TMEM132D: variants seen among roughly 807,000 people sequenced by gnomAD.
TMEM132D encodes the protein mature OL transmembrane protein.
Under a neutral mutation model 62.3 loss-of-function variants are expected in TMEM132D, and 21 were observed. That is an observed-to-expected ratio of 0.34 (90% CI 0.24 to 0.49). The LOEUF (loss-of-function observed/expected upper bound fraction) is 0.49, where lower values mean the gene tolerates loss of function less well. Ranked by LOEUF, TMEM132D falls within the 20% of genes least tolerant of loss-of-function variation. The pLI, the probability that TMEM132D is intolerant of heterozygous loss-of-function variation, is 0.99. For synonymous variants in TMEM132D, 621 were observed against 575.6 expected, an observed-to-expected ratio of 1.08 and a Z score of -1.13; for missense variants, 1,346 against 1,402.8, an observed-to-expected ratio of 0.96 and a Z score of 0.65.
intron 3 of TMEM132D, among the ~76,000 whole-genome samples, chr12:129,497,394 G>A (rs919403843): frequency 6.6e-6 from 1 of 152,112 alleles, no homozygotes; most frequent in African/African-American, 2.4e-5. Context: ...GTGATAAGTG[G>A]CCCCTGCTCC....
At chr12:129,833,762 T>G (rs1872915556) in intron 1 of TMEM132D, among the ~76,000 whole-genome samples, 1 of 152,240 alleles carries the variant, frequency 6.6e-6, no homozygotes, top group South Asian at 2.1e-4. Context: ...ATTTCAGCTC[T>G]AGCTTCCACT....
chr12:129,077,901 TGTACACAACACATAG>T (rs1325298785), intron 8 of TMEM132D, among the ~76,000 whole-genome samples: 1 of 151,740 alleles, frequency 6.6e-6, no homozygotes, highest in Non-Finnish European at 1.5e-5. Flanking sequence ...ACAACATATA[TGTACACAACACATAG>T]ACACACAACA....
intron 2 of TMEM132D, among the ~76,000 whole-genome samples, chr12:129,652,650 G>C (rs572879886): frequency 6.6e-6 from 1 of 152,320 alleles, no homozygotes; most frequent in East Asian, 1.9e-4. Flanking sequence ...GGAGTGGCAA[G>C]AATGCAAACT....
chr12:129,422,787 T>C (rs1872366784), intron 3 of TMEM132D, among the ~76,000 whole-genome samples: 1 of 151,814 alleles, frequency 6.6e-6, no homozygotes. Context: ...AGGTAAATGA[T>C]TGAATACATT....
At chr12:129,706,554 T>C (rs1022989124) in intron 1 of TMEM132D, among the ~76,000 whole-genome samples, 8 of 152,036 alleles carry the variant, frequency 5.3e-5, no homozygotes, top group African/African-American at 1.9e-4. Context: ...AAATGTTACA[T>C]ACCTCCTTTT....
At chr12:129,532,719 G>A (rs1185041371) in intron 2 of TMEM132D, among the ~76,000 whole-genome samples, 1 of 152,160 alleles carries the variant, frequency 6.6e-6, no homozygotes, top group Admixed American at 6.5e-5. Flanking sequence ...TTGTCTTCTA[G>A]GAGCATAGAA....
chr12:129,413,538 G>GA (rs35852470), intron 3 of TMEM132D, among the ~76,000 whole-genome samples: 78,075 of 151,894 alleles, frequency 0.51, 20,480 homozygotes, highest in East Asian at 0.77. Context: ...ATGGATTTGG[G>GA]GGATGGTGTG....
chr12:129,720,163 G>GT (rs1224872887), intron 1 of TMEM132D, among the ~76,000 whole-genome samples: 1 of 152,054 alleles, frequency 6.6e-6, no homozygotes, highest in Admixed American at 6.6e-5. Flanking sequence ...TCTTTCCCTG[G>GT]TGTCAGGCTA....
intron 2 of TMEM132D, among the ~76,000 whole-genome samples, chr12:129,603,897 T>G (rs1420663604): frequency 6.6e-6 from 1 of 152,162 alleles, no homozygotes; most frequent in Admixed American, 6.5e-5. Context: ...CTATTTACAA[T>G]AGCAAAGACT....
At chr12:129,645,519 T>A (rs1879755380) in intron 2 of TMEM132D, among the ~76,000 whole-genome samples, 1 of 152,236 alleles carries the variant, frequency 6.6e-6, no homozygotes, top group Non-Finnish European at 1.5e-5. Flanking sequence ...AGAGAACTTT[T>A]AGGGGGCCAA....
At chr12:129,626,007 A>C (rs1416183275) in intron 2 of TMEM132D, among the ~76,000 whole-genome samples, 1 of 152,200 alleles carries the variant, frequency 6.6e-6, no homozygotes, top group African/African-American at 2.4e-5. Context: ...CGGCTATTAG[A>C]AGCATAGTAA....
intron 3 of TMEM132D, among the ~76,000 whole-genome samples, chr12:129,362,001 TA>T (rs796109147): frequency 3.4e-4 from 52 of 152,258 alleles, no homozygotes; most frequent in African/African-American, 1.2e-3. Flanking sequence ...CTTGTTTACT[TA>T]TTTATTTATT....
At chr12:129,554,110 T>G (rs1454769111) in intron 2 of TMEM132D, among the ~76,000 whole-genome samples, 3 of 152,164 alleles carry the variant, frequency 2.0e-5, no homozygotes, top group Non-Finnish European at 2.9e-5. Flanking sequence ...CCTGTGTGAT[T>G]ATGTCCCTTC....
intron 4 of TMEM132D, among the ~76,000 whole-genome samples, chr12:129,252,782 G>C (rs1880302440): frequency 6.6e-6 from 1 of 152,010 alleles, no homozygotes; most frequent in Non-Finnish European, 1.5e-5. Context: ...CAAAGACTTG[G>C]AACCAACCTA....
intron 5 of TMEM132D, among the ~76,000 whole-genome samples, chr12:129,148,036 G>T (rs1207708682): frequency 2.0e-5 from 3 of 152,156 alleles, no homozygotes; most frequent in African/African-American, 2.4e-5. Context: ...CTCCCAGGTA[G>T]GCTTAGACAC....
chr12:129,530,983 A>T, intron 3 of TMEM132D, 76 bp downstream of exon 3: 2 of 1,249,284 alleles, frequency 1.6e-6, no homozygotes, highest in Non-Finnish European at 2.1e-6. Flanking sequence ...GGTTGTTAGC[A>T]ATCTAGGAAA....
At chr12:129,823,115 T>G (rs113893563) in intron 1 of TMEM132D, among the ~76,000 whole-genome samples, 1 of 152,246 alleles carries the variant, frequency 6.6e-6, no homozygotes, top group South Asian at 2.1e-4. Context: ...TTGTTCTTGC[T>G]TTCACCATGT....
At chr12:129,546,825 G>T (rs756829236) in intron 2 of TMEM132D, among the ~76,000 whole-genome samples, 2 of 151,674 alleles carry the variant, frequency 1.3e-5, no homozygotes, top group Non-Finnish European at 2.9e-5. Context: ...AAAGAAAAAA[G>T]CTGTAGACAA....
At chr12:129,187,764 C>T (rs992703927) in intron 5 of TMEM132D, among the ~76,000 whole-genome samples, 1 of 152,228 alleles carries the variant, frequency 6.6e-6, no homozygotes, top group East Asian at 1.9e-4. Context: ...CAAAACGAAG[C>T]AATCACACAT....
Sources: allele counts gnomAD v4.1 joint callset (sites outside exome capture counted in the v4.1 genomes callset), GRCh38; gene constraint gnomAD v4.1.1; transcripts MANE v1.5; gene names NCBI Gene and HGNC (gene_info 2026-07-23, HGNC 2026-07-21).